ATP8A1: variants seen among roughly 807,000 people sequenced by gnomAD.
The protein encoded by ATP8A1 is phospholipid-transporting ATPase IA.
In ATP8A1, 90 loss-of-function variants were observed where a neutral mutation model predicts 177.7. The observed-to-expected ratio is 0.51, with a 90% CI of 0.43 to 0.60. The LOEUF is 0.60. Among genes scored for constraint, ATP8A1 ranks in the 20% least tolerant of loss-of-function variants. The pLI, the probability that ATP8A1 is intolerant of heterozygous loss-of-function variation, is 0.00. For synonymous variants in ATP8A1, 493 were observed against 485.9 expected (o/e 1.01, Z -0.19); for missense variants, 1,072 against 1,392.8 (o/e 0.77, Z 3.67).
chr4:42,536,333 T>C (rs950831036), intron 20 of ATP8A1, among the ~76,000 whole-genome samples: 1 of 152,180 alleles, frequency 6.6e-6, no homozygotes. Context: ...TGAACACCTC[T>C]ATGTGCATAA....
intron 35 of ATP8A1, among the ~76,000 whole-genome samples, chr4:42,415,313 T>C (rs1012181011): frequency 7.9e-5 from 12 of 152,196 alleles, no homozygotes; most frequent in African/African-American, 2.4e-4. Context: ...TAAACTATTT[T>C]CAGAAAAATA....
Position 42,601,327 on chromosome 4 carries a change from C to T in ATP8A1, c.410-809G>A, listed in dbSNP as rs183198022. ...CTTGGATTACAGGCGTGAGCCACCG[C>T]GCCTGGCCCTAAAAATCCAAATTTT... On this transcript the variant is annotated intron_variant, in intron 5 of 36. Coordinates refer to ENST00000381668, the MANE Select transcript of ATP8A1 (RefSeq NM_006095.2). Among the ~76,000 whole-genome samples the T allele has an allele frequency of 3.4e-3, 508 of 150,726 alleles. 2 individuals carry two copies. Among genetic ancestry groups the T allele is most frequent in the African/African-American group, 0.011 (447 of 41,012 alleles).
intron 6 of ATP8A1, chr4:42,594,275 G>A (rs746492276): frequency 6.5e-7 from 1 of 1,535,152 alleles, no homozygotes; most frequent in East Asian, 2.3e-5. Flanking sequence ...TTGAGCATCA[G>A]TAGGCATCTC....
chr4:42,485,354 G>T, intron 25 of ATP8A1, 142 bp downstream of exon 25: 1 of 618,542 alleles, frequency 1.6e-6, no homozygotes, highest in Non-Finnish European at 2.5e-6. Context: ...ATCCCAGTTT[G>T]TGAACCTCAA....
intron 26 of ATP8A1, 39 bp downstream of exon 26, chr4:42,464,850 TTGAC>T: frequency 1.9e-6 from 3 of 1,612,514 alleles, no homozygotes; most frequent in Non-Finnish European, 2.5e-6. Context: ...AAAGCATCAG[TTGAC>T]TGAGAGGAAT....
intron 15 of ATP8A1, chr4:42,562,171 T>C (rs1349461279): frequency 6.6e-6 from 1 of 152,210 alleles, no homozygotes; most frequent in Admixed American, 6.5e-5. Flanking sequence ...ACACATGCCA[T>C]TGACACATGC....
At position 42,509,687 on chromosome 4, in the gene ATP8A1, C is replaced by T. The variant is rs113029114; in HGVS notation, c.1948-2533G>A. 1.8e-3 allele frequency among the ~76,000 whole-genome samples: 277 copies of T among 152,042 alleles called. 1 individual carries two copies. The highest frequency in any genetic ancestry group is 6.4e-3 in the African/African-American group (264 of 41,496). On this transcript the variant is annotated intron_variant, in intron 22 of 36. Coordinates refer to ENST00000381668, the MANE Select transcript of ATP8A1 (RefSeq NM_006095.2). Reference sequence around the variant, plus strand: ...CTAACACGGTGAAACCTCGTCTCTACTAAAAATACAAAAAATTAGCCGGGC... The same window carrying T: ...CTAACACGGTGAAACCTCGTCTCTATTAAAAATACAAAAAATTAGCCGGGC...
intron 5 of ATP8A1, among the ~76,000 whole-genome samples, chr4:42,602,494 T>C (rs1000919667): frequency 7.2e-5 from 11 of 152,222 alleles, no homozygotes; most frequent in African/African-American, 2.4e-4. Context: ...CTGGGAGCAG[T>C]AGCTCACGCT....
chr4:42,436,992 G>A (rs966589905), intron 33 of ATP8A1, among the ~76,000 whole-genome samples: 1 of 152,252 alleles, frequency 6.6e-6, no homozygotes, highest in South Asian at 2.1e-4. Context: ...GATTTTTATT[G>A]TTTTTCAGAA....
At position 42,563,791 on chromosome 4, in the gene ATP8A1, A is replaced by G. The variant is rs565762972; in HGVS notation, c.1340+5370T>C. 4.6e-5 allele frequency among the ~76,000 whole-genome samples: 7 copies of G among 152,360 alleles called. No homozygotes were observed. In the South Asian group the frequency reaches 1.4e-3, roughly 32 times the overall value. On this transcript the variant is annotated intron_variant, in intron 15 of 36. Transcript: ENST00000381668. Reference sequence around the variant, plus strand: ...TGCAGTGTTGAGCCTGTGGGTACACAGAAATCAAGAATTGAGGTTTGGGCC... The same window carrying G: ...TGCAGTGTTGAGCCTGTGGGTACACGGAAATCAAGAATTGAGGTTTGGGCC...
chr4:42,577,266 T>C (rs377729939), intron 12 of ATP8A1, among the ~76,000 whole-genome samples: 2 of 152,232 alleles, frequency 1.3e-5, no homozygotes, highest in African/African-American at 4.8e-5. Flanking sequence ...TAAGTCTTAC[T>C]TATATTTGTA....
chr4:42,470,746 T>G (rs114162237), intron 25 of ATP8A1, among the ~76,000 whole-genome samples: 1,905 of 152,272 alleles, frequency 0.013, 43 homozygotes, highest in African/African-American at 0.043. Context: ...CTGAAGTGTT[T>G]TATATAGTGA....
chr4:42,507,063 T>C lies in ATP8A1; in HGVS notation c.2039A>G (p.Lys680Arg), dbSNP rs920038321. Residue 680 changes from lysine (K) to arginine (R), a missense_variant, in exon 23 of 37, where the codon AAA becomes AGA. Coordinates refer to ENST00000381668, the MANE Select transcript of ATP8A1 (RefSeq NM_006095.2). ...TIETLMKADI[K>R]IWILTGDKQE... ...CTTGTCCCCTGTAAGGATCCAGATT[T>C]TGATGTCTGCTTTCATTAGCGTTTC... The C allele has an allele frequency of 6.2e-7, 1 of 1,614,056 alleles. No homozygotes were observed. The highest frequency in any genetic ancestry group is 8.5e-7 in the Non-Finnish European group (1 of 1,180,008).
intron 5 of ATP8A1, among the ~76,000 whole-genome samples, chr4:42,614,918 CCA>C (rs755711679): frequency 2.6e-5 from 4 of 152,172 alleles, no homozygotes; most frequent in African/African-American, 4.8e-5. Context: ...TCAAGATACA[CCA>C]CAGTTTTCTC....
At chr4:42,600,701 T>C (rs1297032026) in intron 5 of ATP8A1, among the ~76,000 whole-genome samples, 183 bp from the exon 6 acceptor site, 1 of 152,198 alleles carries the variant, frequency 6.6e-6, no homozygotes, top group Non-Finnish European at 1.5e-5. Flanking sequence ...AAACAACCAA[T>C]GTATATTTTA....
chr4:42,613,518 A>G (rs557982615), intron 5 of ATP8A1, among the ~76,000 whole-genome samples: 1 of 152,316 alleles, frequency 6.6e-6, no homozygotes, highest in South Asian at 2.1e-4. Flanking sequence ...AATAGTAAAT[A>G]TGTAAATAGC....
chr4:42,569,169 A>C lies in ATP8A1; in HGVS notation c.1332T>G (p.Pro444=). 6.2e-7 allele frequency: 1 copy of C among 1,606,184 alleles called. No individual in the cohort carries two copies. Among genetic ancestry groups the C allele is most frequent in the African/African-American group, 1.3e-5 (1 of 74,558 alleles). Residue 444 remains proline, a synonymous_variant, in exon 15 of 37, where the codon CCT becomes CCG. Coordinates refer to ENST00000381668, the MANE Select transcript of ATP8A1 (RefSeq NM_006095.2). ...AGTTCCATAGAGCTTACCATTCATCAGGAGAGCAGCCATAATCCTCAGGTT... is the reference window on the plus strand; with the variant it reads ...AGTTCCATAGAGCTTACCATTCATCCGGAGAGCAGCCATAATCCTCAGGTT... ...VPEPEDYGCS[P]DEWQNSQFGD...
Position 42,412,944 on chromosome 4 carries a change from G to C in ATP8A1, c.3467C>G (p.Thr1156Ser). 1 of 1,613,412 alleles carries C rather than the reference G, an allele frequency of 6.2e-7. No individual in the cohort carries two copies. Among genetic ancestry groups the C allele is most frequent in the Non-Finnish European group, 8.5e-7 (1 of 1,179,598 alleles). ...CCATTCGTCGGGCCTCTGTTTCGTG[G>C]TATCATATGCTCTTATCACTTCAGA... is the stretch of plus-strand genomic sequence containing the variant. ...SQSEVIRAYDTTKQRPDEW is the reference protein window; with the variant it reads ...SQSEVIRAYDSTKQRPDEW The change falls in exon 37 of 37, where the codon ACC (threonine) becomes AGC (serine). Residue 1156 changes from threonine (T) to serine (S), a missense_variant. Physicochemically the swap from Thr to Ser is moderately conservative, Grantham distance 58. Coordinates refer to ENST00000381668, the MANE Select transcript of ATP8A1 (RefSeq NM_006095.2).
chr4:42,542,530 GT>G (rs1728509280), intron 20 of ATP8A1, among the ~76,000 whole-genome samples: 1 of 152,010 alleles, frequency 6.6e-6, no homozygotes, highest in African/African-American at 2.4e-5. Context: ...TGCCATGTTG[GT>G]TTGCTGCTCC....
Sources: allele counts gnomAD v4.1 joint callset (sites outside exome capture counted in the v4.1 genomes callset), GRCh38; gene constraint gnomAD v4.1.1; transcripts MANE v1.5; gene names NCBI Gene and HGNC (gene_info 2026-07-23, HGNC 2026-07-21).